Variants in NCBP1 observed in about 807,000 individuals in gnomAD.
NCBP1 encodes nuclear cap binding protein subunit 1.
A neutral mutation model predicts 111.7 loss-of-function variants in NCBP1; 16 were observed. The observed-to-expected ratio is 0.14, with a 90% confidence interval of 0.10 to 0.22. The LOEUF is 0.22. Among genes scored for constraint, NCBP1 ranks in the 10% least tolerant of loss-of-function variants. NCBP1 has a pLI of 1.00. For synonymous variants in NCBP1, 304 were observed against 314.3 expected, an observed-to-expected ratio of 0.97 and a Z score of 0.35; for missense variants, 607 against 957.5, an observed-to-expected ratio of 0.63 and a Z score of 4.83.
intron 1 of NCBP1, among the ~76,000 whole-genome samples, chr9:97,636,820 G>C (rs1236083549): frequency 1.3e-5 from 2 of 151,826 alleles, no homozygotes; most frequent in Admixed American, 1.3e-4. Flanking sequence ...TATAGTGACA[G>C]GCGCTATGGA....
At chr9:97,665,906 C>A (rs934030968) in intron 19 of NCBP1, among the ~76,000 whole-genome samples, 3 of 152,036 alleles carry the variant, frequency 2.0e-5, no homozygotes, top group African/African-American at 7.3e-5. Flanking sequence ...TGTATTCTTA[C>A]AATAAATCAT....
intron 8 of NCBP1, among the ~76,000 whole-genome samples, chr9:97,649,533 A>G (rs1187209534): frequency 6.6e-6 from 1 of 152,220 alleles, no homozygotes; most frequent in Non-Finnish European, 1.5e-5. Flanking sequence ...AATGACCAGT[A>G]GGAATTTAGT....
intron 20 of NCBP1, among the ~76,000 whole-genome samples, chr9:97,667,083 G>C (rs137896329): frequency 6.6e-6 from 1 of 152,162 alleles, no homozygotes; most frequent in African/African-American, 2.4e-5. Context: ...ACTGCATGAT[G>C]AACCAGTTCA....
rs991004812 is a variant in NCBP1, at chr9:97,656,014, A to G, written c.1302A>G (p.Ser434=). The change falls in exon 14 of 23, where the codon TCA becomes TCG. Residue 434 remains serine (S), a synonymous_variant. Coordinates refer to ENST00000375147, the MANE Select transcript of NCBP1 (RefSeq NM_002486.5). ...TAAAACTACATTTCCTCCTTAGGTCAGATTGTCTTAGTCAAGATCCTGAAA... is the reference window on the plus strand; with the variant it reads ...TAAAACTACATTTCCTCCTTAGGTCGGATTGTCTTAGTCAAGATCCTGAAA... The part of the protein sequence containing the change: ...FQFRWSWEDW[S]DCLSQDPESP... 6.2e-7 allele frequency: 1 copy of G among 1,613,486 alleles called. No individual in the cohort carries two copies. Among genetic ancestry groups the G allele is most frequent in the Non-Finnish European group, 8.5e-7 (1 of 1,179,460 alleles).
At position 97,645,123 on chromosome 9, in the gene NCBP1, T is replaced by A; in HGVS notation, c.388T>A (p.Phe130Ile). 1 of 1,613,178 alleles carries A rather than the reference T, an allele frequency of 6.2e-7. No homozygotes were observed. Among genetic ancestry groups the A allele is most frequent in the Non-Finnish European group, 8.5e-7 (1 of 1,179,328 alleles). The change falls in exon 5 of 23, where the codon TTT (phenylalanine) becomes ATT (isoleucine). Residue 130 changes from phenylalanine (F) to isoleucine (I), a missense_variant. By Grantham distance (21) the Phe-to-Ile change is conservative. Coordinates refer to ENST00000375147, the MANE Select transcript of NCBP1 (RefSeq NM_002486.5). ...AAATTGTTTGCCCCAACAGGTCCGT[T>A]TTTTATCTGATCTTGTGAATTGTCA... ...NYNEAVYLVRFLSDLVNCHVI... is the reference protein window; with the variant it reads ...NYNEAVYLVRILSDLVNCHVI...
chr9:97,640,647 G>A (rs1173937875), intron 1 of NCBP1, 147 bp from the exon 2 acceptor site: 2 of 593,482 alleles, frequency 3.4e-6, no homozygotes, highest in Non-Finnish European at 5.9e-6. Flanking sequence ...ATCTAGCTTA[G>A]TCTGAGAAAT....
At chr9:97,667,696 A>G (rs1200767090) in intron 20 of NCBP1, among the ~76,000 whole-genome samples, 2 of 152,224 alleles carry the variant, frequency 1.3e-5, no homozygotes, top group African/African-American at 2.4e-5. Context: ...CACTGTTTCT[A>G]GAAGTGTGCT....
chr9:97,662,918 G>A (rs1587722538), intron 17 of NCBP1, 36 bp from the exon 18 acceptor site: 2 of 1,436,788 alleles, frequency 1.4e-6, no homozygotes, highest in Non-Finnish European at 1.9e-6. Context: ...TAATGAATAA[G>A]TATATATGGT....
intron 14 of NCBP1, among the ~76,000 whole-genome samples, chr9:97,658,316 ATATT>A (rs1172000092): frequency 6.6e-6 from 1 of 152,102 alleles, no homozygotes; most frequent in African/African-American, 2.4e-5. Flanking sequence ...ATTATCCTCA[ATATT>A]TATTTATTTG....
At chr9:97,663,401 G>A (rs1219445317) in intron 18 of NCBP1, among the ~76,000 whole-genome samples, 1 of 152,164 alleles carries the variant, frequency 6.6e-6, no homozygotes, top group African/African-American at 2.4e-5. Flanking sequence ...AACAGTGAGT[G>A]TGTAATGATA....
At chr9:97,647,789 A>G (rs1235553163) in intron 7 of NCBP1, among the ~76,000 whole-genome samples, 1 of 152,250 alleles carries the variant, frequency 6.6e-6, no homozygotes, top group Middle Eastern at 3.2e-3. Flanking sequence ...GAGTTGACAT[A>G]TATTTATTTA....
At chr9:97,664,308 TGTGA>T (rs1207203147) in intron 18 of NCBP1, 28 bp from the exon 19 acceptor site, 2 of 1,347,182 alleles carry the variant, frequency 1.5e-6, no homozygotes, top group African/African-American at 1.4e-5. Flanking sequence ...TATGTGTGTG[TGTGA>T]TTTACTTGAA....
intron 4 of NCBP1, 43 bp from the exon 5 acceptor site, chr9:97,645,074 A>G (rs1310388172): frequency 2.8e-6 from 4 of 1,407,904 alleles, no homozygotes; most frequent in Non-Finnish European, 4.0e-6. Flanking sequence ...AGTTATTATA[A>G]AGAACATTTA....
rs969215135 is a variant in NCBP1 at position 97,671,887 on chromosome 9, TA to T, written c.*690del. On this transcript the variant is annotated 3_prime_UTR_variant, in exon 23 of 23. Coordinates refer to ENST00000375147, the MANE Select transcript of NCBP1 (RefSeq NM_002486.5). ...GGGGGTGGAACGCAGACATCCTCAG[TA>T]ATCCTTAAAGTTTCCCCAGGTGATT... 2.6e-5 allele frequency: 4 copies of T among 152,240 alleles called. No homozygotes were observed. The highest frequency in any genetic ancestry group is 9.6e-5 in the African/African-American group (4 of 41,458). The allele number at this position is 152,240 out of a possible 1,614,324, so 9.4% of individuals were successfully genotyped here.
rs548418169 is a variant in NCBP1 at position 97,643,609 on chromosome 9, A to G, written c.381+249A>G. Among the ~76,000 whole-genome samples the G allele has an allele frequency of 6.6e-5, 10 of 152,234 alleles. No individual in the cohort carries two copies. The South Asian group carries it at 2.1e-3, about 32-fold the overall frequency. On this transcript the variant is annotated intron_variant, in intron 4 of 22. Transcript: ENST00000375147. ...AGATACCTTACTAGGAAGTGCCTAA[A>G]TTAATGCATCATTCATACCTCCTTT...
intron 3 of NCBP1, 67 bp downstream of exon 3, chr9:97,641,729 A>G (rs1827211501): frequency 1.4e-6 from 2 of 1,390,646 alleles, no homozygotes; most frequent in Admixed American, 2.1e-5. Context: ...GCTTTGGGAA[A>G]TGTTCAAAAT....
chr9:97,659,693 GA>G (rs1243486166), intron 15 of NCBP1, among the ~76,000 whole-genome samples: 1 of 152,168 alleles, frequency 6.6e-6, no homozygotes, highest in Non-Finnish European at 1.5e-5. Context: ...GCAGTACTTA[GA>G]AGTGCTGGGT....
At chr9:97,667,308 A>AT (rs1828037009) in intron 20 of NCBP1, among the ~76,000 whole-genome samples, 1 of 152,220 alleles carries the variant, frequency 6.6e-6, no homozygotes. Flanking sequence ...CATAGTATTA[A>AT]TTTAGTATTT....
intron 14 of NCBP1, among the ~76,000 whole-genome samples, chr9:97,658,135 G>A (rs1827724518): frequency 6.6e-6 from 1 of 151,642 alleles, no homozygotes; most frequent in Non-Finnish European, 1.5e-5. Flanking sequence ...TGCCATTGGG[G>A]TGTCATTGGT....
Sources: allele counts gnomAD v4.1 joint callset (sites outside exome capture counted in the v4.1 genomes callset), GRCh38; gene constraint gnomAD v4.1.1; transcripts MANE v1.5; gene names NCBI Gene and HGNC (gene_info 2026-07-23, HGNC 2026-07-21).